The following NELL1 variants were observed in gnomAD, a reference collection of about 807,000 sequenced individuals.
NELL1 encodes neural EGFL like 1.
In NELL1, 76 loss-of-function variants were observed where a neutral mutation model predicts 107.4. The ratio of observed to expected loss-of-function variants is 0.71; its 90% CI spans 0.59 to 0.86. NELL1 has a LOEUF of 0.86. Among genes scored for constraint, NELL1 ranks in the 40% least tolerant of loss-of-function variants. The pLI is 0.00. For synonymous variants in NELL1, 353 were observed against 341.2 expected, an observed-to-expected ratio of 1.03 and a Z score of -0.38; for missense variants, 1,024 against 1,005.5, an observed-to-expected ratio of 1.02 and a Z score of -0.25.
In NELL1 at chr11:20,935,116, C is replaced by A. The variant is rs1169594103; in HGVS notation, c.998-2670C>A. The stretch of plus-strand genomic sequence containing the variant: ...AAATCCTAAGGCATGGGGCTTTGGG[C>A]TGGAGATAAAATTATAGACATTTTC... On this transcript the variant is annotated intron_variant, in intron 9 of 19. Coordinates refer to ENST00000357134, the MANE Select transcript of NELL1 (RefSeq NM_006157.5). 3.3e-5 allele frequency among the ~76,000 whole-genome samples: 5 copies of A among 152,184 alleles called. No individual in the cohort carries two copies. The East Asian group carries it at 7.7e-4, about 24-fold the overall frequency.
intron 2 of NELL1, among the ~76,000 whole-genome samples, chr11:20,683,470 C>G (rs78126450): frequency 0.059 from 9,021 of 151,990 alleles, 914 homozygotes; most frequent in African/African-American, 0.21. Flanking sequence ...CCCTCCCACT[C>G]TCCCGCTGGA....
At chr11:21,217,072 TAGTG>T (rs1266211655) in intron 13 of NELL1, among the ~76,000 whole-genome samples, 1 of 152,120 alleles carries the variant, frequency 6.6e-6, no homozygotes, top group Non-Finnish European at 1.5e-5. Context: ...GCTCTTGTGA[TAGTG>T]AGTGAGTTCC....
At chr11:20,919,936 G>C (rs1850341309) in intron 7 of NELL1, among the ~76,000 whole-genome samples, 1 of 152,086 alleles carries the variant, frequency 6.6e-6, no homozygotes, top group Admixed American at 6.6e-5. Context: ...CCTGCCGTTT[G>C]CTGGGCACTG....
chr11:20,790,283 C>T (rs1857048018), intron 3 of NELL1, among the ~76,000 whole-genome samples: 1 of 152,186 alleles, frequency 6.6e-6, no homozygotes, highest in South Asian at 2.1e-4. Flanking sequence ...CCTCAGCTTC[C>T]CTCCTATGCT....
At chr11:20,706,051 C>A (rs963349087) in intron 2 of NELL1, among the ~76,000 whole-genome samples, 1 of 152,204 alleles carries the variant, frequency 6.6e-6, no homozygotes, top group Non-Finnish European at 1.5e-5. Context: ...AATAGGAACA[C>A]TTTTACACTG....
At chr11:21,093,224 A>G (rs529922715) in intron 12 of NELL1, among the ~76,000 whole-genome samples, 1 of 152,238 alleles carries the variant, frequency 6.6e-6, no homozygotes, top group Admixed American at 6.5e-5. Context: ...TTGGGGAAAC[A>G]TACCACTGAA....
Position 21,229,471 on chromosome 11 carries a change from A to C in NELL1, c.1549+17A>C, listed in dbSNP as rs757206330. 2.5e-6 allele frequency: 4 copies of C among 1,612,982 alleles called. No individual in the cohort carries two copies. The highest frequency in any genetic ancestry group is 3.4e-6 in the Non-Finnish European group (4 of 1,179,386). On this transcript the variant is annotated intron_variant, in intron 14 of 19. Transcript: ENST00000357134. ...TCTGCAGAGGTAGGCTTGCCGCCTT[A>C]GTGTTGAGTTGTGAGCAGCCATTCT...
At chr11:21,251,385 T>C (rs1238834356) in intron 14 of NELL1, among the ~76,000 whole-genome samples, 1 of 152,092 alleles carries the variant, frequency 6.6e-6, no homozygotes, top group African/African-American at 2.4e-5. Context: ...TATAGTTGCA[T>C]AGAACATCAT....
At chr11:20,713,249 C>T (rs749017045) in intron 2 of NELL1, among the ~76,000 whole-genome samples, 2 of 152,022 alleles carry the variant, frequency 1.3e-5, no homozygotes, top group African/African-American at 2.4e-5. Context: ...CTTTTGTGTT[C>T]AGCTACCAGG....
At chr11:21,043,218 C>G (rs1853278491) in intron 12 of NELL1, among the ~76,000 whole-genome samples, 1 of 152,102 alleles carries the variant, frequency 6.6e-6, no homozygotes, top group African/African-American at 2.4e-5. Context: ...TGTGCACCTA[C>G]TATGACTGGG....
chr11:21,304,675 T>C (rs982040548), intron 14 of NELL1, among the ~76,000 whole-genome samples: 1 of 152,008 alleles, frequency 6.6e-6, no homozygotes, highest in African/African-American at 2.4e-5. Flanking sequence ...GTAAATCTTC[T>C]GCACTCCTAT....
chr11:21,333,812 C>T (rs1430349476), intron 14 of NELL1, among the ~76,000 whole-genome samples: 1 of 151,978 alleles, frequency 6.6e-6, no homozygotes. Flanking sequence ...ATGTTTAAAC[C>T]AGGTCACACA....
chr11:20,888,181 G>A (rs1254652085), intron 5 of NELL1, among the ~76,000 whole-genome samples: 2 of 152,020 alleles, frequency 1.3e-5, no homozygotes, highest in Admixed American at 6.6e-5. Context: ...GGTAGGAAGA[G>A]CATTTGTGAA....
rs556736447 is a variant in NELL1 at position 21,295,600 on chromosome 11, G to A, written c.1549+66146G>A. ...AGTTCTGGGTCATTACAGCAGTTGC[G>A]AAAAGGTGACATCACTAAAGGCTCA... On this transcript the variant is annotated intron_variant, in intron 14 of 19. Coordinates refer to ENST00000357134, the MANE Select transcript of NELL1 (RefSeq NM_006157.5). Among the ~76,000 whole-genome samples, 292 of 152,118 alleles carry A rather than the reference G, an allele frequency of 1.9e-3. 2 individuals are homozygous for A. The highest frequency in any genetic ancestry group is 6.7e-3 in the African/African-American group (277 of 41,540).
At chr11:20,959,409 A>T (rs1181587312) in intron 11 of NELL1, among the ~76,000 whole-genome samples, 2 of 152,350 alleles carry the variant, frequency 1.3e-5, no homozygotes, top group South Asian at 4.1e-4. Context: ...AATTGCAAAG[A>T]CATGGAACCA....
intron 14 of NELL1, among the ~76,000 whole-genome samples, chr11:21,329,291 C>CG (rs1565170922): frequency 1.3e-5 from 2 of 151,872 alleles, no homozygotes; most frequent in African/African-American, 4.9e-5. Flanking sequence ...GCTTTTCCCC[C>CG]TTTTGCTCAG....
intron 3 of NELL1, among the ~76,000 whole-genome samples, chr11:20,807,411 G>GTC (rs1055510946): frequency 1.8e-4 from 28 of 152,130 alleles, no homozygotes; most frequent in Admixed American, 8.5e-4. Context: ...AAAAAACAGA[G>GTC]TCTCTCTCTC....
At chr11:20,772,656 A>G (rs1856663739) in intron 2 of NELL1, among the ~76,000 whole-genome samples, 1 of 138,376 alleles carries the variant, frequency 7.2e-6, no homozygotes, top group African/African-American at 2.6e-5. Context: ...TGAACCCTGG[A>G]AGGTGAGTGT....
At chr11:20,947,175 A>C (rs1003994884) in intron 10 of NELL1, among the ~76,000 whole-genome samples, 161 bp from the exon 11 acceptor site, 1 of 152,178 alleles carries the variant, frequency 6.6e-6, no homozygotes, top group Non-Finnish European at 1.5e-5. Flanking sequence ...CAGGGGTCTC[A>C]TTAATTTAAT....
Sources: allele counts gnomAD v4.1 joint callset (sites outside exome capture counted in the v4.1 genomes callset), GRCh38; gene constraint gnomAD v4.1.1; transcripts MANE v1.5; gene names NCBI Gene and HGNC (gene_info 2026-07-23, HGNC 2026-07-21).